The following ROCK2 variants were observed in gnomAD, a reference collection of about 807,000 sequenced individuals.
The protein encoded by ROCK2 is rho-associated protein kinase 2.
A neutral mutation model predicts 195.1 loss-of-function variants in ROCK2; 61 were observed. The ratio of observed to expected loss-of-function variants is 0.31; its 90% CI spans 0.25 to 0.39. ROCK2 has a LOEUF of 0.39. Ranked by LOEUF, ROCK2 falls within the 10% of genes least tolerant of loss-of-function variation. The pLI, the probability that ROCK2 is intolerant of heterozygous loss-of-function variation, is 1.00. For synonymous variants in ROCK2, 504 were observed against 545.5 expected (o/e 0.92, Z 1.06); for missense variants, 1,109 against 1,637.4 (o/e 0.68, Z 5.57).
intron 25 of ROCK2, 99 bp downstream of exon 25, chr2:11,198,392 C>A: frequency 1.3e-6 from 1 of 798,090 alleles, no homozygotes; most frequent in Non-Finnish European, 2.0e-6. Context: ...TTGGTACATT[C>A]GATGACTACT....
intron 3 of ROCK2, among the ~76,000 whole-genome samples, chr2:11,267,674 C>A: frequency 6.6e-6 from 1 of 151,218 alleles, no homozygotes; most frequent in Non-Finnish European, 1.5e-5. Flanking sequence ...GAGCGCCATA[C>A]CCCTTGAGTA....
At position 11,181,909 on chromosome 2, in the gene ROCK2, A is replaced by G. The variant is rs1663013804; in HGVS notation, c.*1528T>C. 1 of 152,194 alleles carries G rather than the reference A, an allele frequency of 6.6e-6. No individual in the cohort carries two copies. Among genetic ancestry groups the G allele is most frequent in the Admixed American group, 6.5e-5 (1 of 15,272 alleles). 9.4% of individuals were successfully genotyped at this position (152,194 alleles called of 1,614,324 possible). On this transcript the variant is annotated 3_prime_UTR_variant, in exon 33 of 33. Coordinates refer to ENST00000315872, the MANE Select transcript of ROCK2 (RefSeq NM_004850.5). The stretch of plus-strand genomic sequence containing the variant: ...TGGCCTCCCAAAGTGCTAGGATTAC[A>G]GGCGTAAGCCACCATGCCTGGCCAG...
In ROCK2 at chr2:11,299,346, C is replaced by A. The variant is rs150139172; in HGVS notation, c.142-11610G>T. On this transcript the variant is annotated intron_variant, in intron 1 of 32. Coordinates refer to ENST00000315872, the MANE Select transcript of ROCK2 (RefSeq NM_004850.5). ...ACCCACAGACATCATCTTCAATTTT[C>A]CAGTCAAATATTAATCAAATCTAAA... Among the ~76,000 whole-genome samples, 420 of 151,686 alleles carry A rather than the reference C, an allele frequency of 2.8e-3. 3 individuals are homozygous for A. The highest frequency in any genetic ancestry group is 9.7e-3 in the African/African-American group (401 of 41,372).
chr2:11,297,450 TACTC>T (rs1046950822), intron 1 of ROCK2, among the ~76,000 whole-genome samples: 3 of 152,148 alleles, frequency 2.0e-5, no homozygotes, highest in Non-Finnish European at 4.4e-5. Flanking sequence ...TTTAAAAAAT[TACTC>T]ATTTATTATC....
chr2:11,202,235 C>T (rs1663881034), intron 20 of ROCK2, 114 bp from the exon 21 acceptor site: 2 of 816,362 alleles, frequency 2.4e-6, no homozygotes, highest in Admixed American at 3.6e-5. Flanking sequence ...TCCACAGAAC[C>T]CATAAGGTCA....
At chr2:11,289,993 TG>T (rs1323510523) in intron 1 of ROCK2, among the ~76,000 whole-genome samples, 5 of 152,240 alleles carry the variant, frequency 3.3e-5, no homozygotes, top group Non-Finnish European at 5.9e-5. Context: ...AATGATACTA[TG>T]ATACTTTAAT....
intron 17 of ROCK2, among the ~76,000 whole-genome samples, chr2:11,212,560 G>T (rs900897865): frequency 1.3e-4 from 19 of 151,926 alleles, no homozygotes. Flanking sequence ...TTTCCCAGCT[G>T]TCCCTTAAAT....
At chr2:11,300,727 T>C (rs1470084648) in intron 1 of ROCK2, among the ~76,000 whole-genome samples, 1 of 152,218 alleles carries the variant, frequency 6.6e-6, no homozygotes, top group Non-Finnish European at 1.5e-5. Context: ...ACCCTGTTTC[T>C]ACAAAATAGT....
chr2:11,327,890 T>A (rs1013980529), intron 1 of ROCK2, among the ~76,000 whole-genome samples: 3 of 152,242 alleles, frequency 2.0e-5, no homozygotes, highest in African/African-American at 7.2e-5. Context: ...GGGGCATATG[T>A]TACTTTTGTA....
At chr2:11,220,923 T>C (rs537385466) in intron 9 of ROCK2, among the ~76,000 whole-genome samples, 6 of 152,356 alleles carry the variant, frequency 3.9e-5, no homozygotes, top group African/African-American at 1.4e-4. Context: ...AATTCTCTTA[T>C]ATCCTTCACG....
chr2:11,315,812 TA>T (rs1668173765), intron 1 of ROCK2, among the ~76,000 whole-genome samples: 1 of 152,120 alleles, frequency 6.6e-6, no homozygotes, highest in South Asian at 2.1e-4. Flanking sequence ...TTAAATTACA[TA>T]TATCTAAAAT....
chr2:11,290,923 T>C (rs529234148), intron 1 of ROCK2, among the ~76,000 whole-genome samples: 1 of 152,130 alleles, frequency 6.6e-6, no homozygotes, highest in Non-Finnish European at 1.5e-5. Flanking sequence ...CCTTGGTCTA[T>C]GCCCCCGGCT....
intron 4 of ROCK2, among the ~76,000 whole-genome samples, chr2:11,236,181 G>T (rs1665197121): frequency 6.6e-6 from 1 of 151,960 alleles, no homozygotes; most frequent in Admixed American, 6.6e-5. Context: ...AAGCATAAAT[G>T]AATATTTCCC....
At position 11,227,417 on chromosome 2, in the gene ROCK2, T is replaced by TAC; in HGVS notation, c.724-20_724-19insGT. 1 of 1,594,722 alleles carries TAC rather than the reference T, an allele frequency of 6.3e-7. No homozygotes were observed. The highest frequency in any genetic ancestry group is 8.5e-7 in the Non-Finnish European group (1 of 1,172,518). ...TGCCTGTCTGCATGAACAGGAGAGA[T>TAC]AAAGAAAAAACAGTTCAGTGTAAAA... is the stretch of plus-strand genomic sequence containing the variant. On this transcript the variant is annotated intron_variant, in intron 5 of 32. Coordinates refer to ENST00000315872, the MANE Select transcript of ROCK2 (RefSeq NM_004850.5).
rs1156983946 is a variant in ROCK2 at position 11,317,576 on chromosome 2, TTATATATATATATATATA to T, written c.141+26402_141+26419del. Among the ~76,000 whole-genome samples, 28 of 29,586 alleles carry T rather than the reference TTATATATATATATATATA, an allele frequency of 9.5e-4. 2 individuals are homozygous for T. The highest frequency in any genetic ancestry group is 4.0e-3 in the African/African-American group (26 of 6,438). 19.4% of individuals were successfully genotyped at this position (29,586 alleles called of 152,430 possible). A position where few individuals can be genotyped will look rare whatever the true frequency, so the allele number is the denominator to read the frequency against. On this transcript the variant is annotated intron_variant, in intron 1 of 32. Transcript: ENST00000315872. Reference sequence around the variant, plus strand: ...TTTAAAGCCGCCCTGATCTACACATTTATATATATATATATATATATATATATATATATATATTTTTTT... The same window carrying T: ...TTTAAAGCCGCCCTGATCTACACATTTATATATATATATATATATTTTTTT...
At chr2:11,278,810 T>C (rs1572351801) in intron 3 of ROCK2, among the ~76,000 whole-genome samples, 1 of 152,184 alleles carries the variant, frequency 6.6e-6, no homozygotes, top group South Asian at 2.1e-4. Context: ...GACGGGGTTT[T>C]GCCATGTTCG....
intron 5 of ROCK2, among the ~76,000 whole-genome samples, chr2:11,227,879 A>G (rs1207857156): frequency 6.6e-6 from 1 of 152,016 alleles, no homozygotes; most frequent in Non-Finnish European, 1.5e-5. Flanking sequence ...TATTACCAAG[A>G]AAAAAAATGA....
Position 11,194,995 on chromosome 2 carries a change from G to T in ROCK2, c.3479C>A (p.Pro1160His). ...AAATTTCTTAGTGTTGTTTCGTACA[G>T]GCAATGAAAGCCATCCTTCTAATCT... ...ESRLEGWLSL[P>H]VRNNTKKFGW... is the part of the protein sequence containing the mutation. Residue 1160 changes from proline (P) to histidine (H), a missense_variant, in exon 28 of 33, where the codon CCT becomes CAT. Coordinates refer to ENST00000315872, the MANE Select transcript of ROCK2 (RefSeq NM_004850.5). 6.3e-7 allele frequency: 1 copy of T among 1,581,756 alleles called. No homozygotes were observed. Among genetic ancestry groups the T allele is most frequent in the Non-Finnish European group, 8.6e-7 (1 of 1,162,466 alleles).
At chr2:11,282,525 T>C (rs575123045) in intron 3 of ROCK2, among the ~76,000 whole-genome samples, 3 of 148,174 alleles carry the variant, frequency 2.0e-5, no homozygotes, top group Non-Finnish European at 3.0e-5. Context: ...CACATAAATA[T>C]AGTCAACTGA....
Sources: allele counts gnomAD v4.1 joint callset (sites outside exome capture counted in the v4.1 genomes callset), GRCh38; gene constraint gnomAD v4.1.1; transcripts MANE v1.5; gene names NCBI Gene and HGNC (gene_info 2026-07-23, HGNC 2026-07-21).